The following ZPBP variants were observed in gnomAD, a reference collection of about 807,000 sequenced individuals.
ZPBP encodes the protein zona pellucida-binding protein 1.
Under a neutral mutation model 44.8 loss-of-function variants are expected in ZPBP, and 26 were observed. The ratio of observed to expected loss-of-function variants is 0.58; its 90% CI spans 0.43 to 0.81. The LOEUF (loss-of-function observed/expected upper bound fraction) is 0.81, where lower values mean the gene tolerates loss of function less well. ZPBP is among the 30% of genes least tolerant of loss of function. The pLI, the probability that ZPBP is intolerant of heterozygous loss-of-function variation, is 0.00. For synonymous variants in ZPBP, 174 were observed against 153.2 expected, an observed-to-expected ratio of 1.14 and a Z score of -1.00; for missense variants, 409 against 434.0, an observed-to-expected ratio of 0.94 and a Z score of 0.51.
At chr7:49,857,006 T>C (rs1790448793) in intron 2 of ZPBP, among the ~76,000 whole-genome samples, 1 of 58,540 alleles carries the variant, frequency 1.7e-5, no homozygotes, top group Non-Finnish European at 2.8e-5. Flanking sequence ...CCAGATACTG[T>C]CTCAAAAAAA....
chr7:49,906,674 T>G (rs1817502), intron 1 of ZPBP, among the ~76,000 whole-genome samples: 116,408 of 152,112 alleles, frequency 0.77, 44,724 homozygotes, highest in East Asian at 0.89. Context: ...ATCATAAAAT[T>G]CTTACCAAGA....
At chr7:49,935,250 GA>G (rs1379436239), downstream of ZPBP, among the ~76,000 whole-genome samples, 2 of 152,148 alleles carry the variant, frequency 1.3e-5, no homozygotes, top group African/African-American at 4.8e-5. Context: ...TAGTATAATT[GA>G]ATGTTGAAGA....
chr7:49,855,941 A>T (rs1790400647), intron 2 of ZPBP, among the ~76,000 whole-genome samples: 1 of 152,172 alleles, frequency 6.6e-6, no homozygotes, highest in African/African-American at 2.4e-5. Context: ...ATCCACTGAG[A>T]GACACTAAGC....
downstream of ZPBP, among the ~76,000 whole-genome samples, chr7:49,935,555 C>T (rs757228431): frequency 3.3e-5 from 5 of 152,126 alleles, no homozygotes; most frequent in Non-Finnish European, 7.3e-5. Flanking sequence ...CACACCACCA[C>T]GCCCGGCTAA....
At chr7:49,986,638 CTTT>C (rs57576804) in intron 6 of ZPBP, among the ~76,000 whole-genome samples, 1 of 150,038 alleles carries the variant, frequency 6.7e-6, no homozygotes, top group African/African-American at 2.4e-5. Context: ...AGCTGTTTTT[CTTT>C]TTTTTTTCTC....
At chr7:49,981,178 A>T (rs1283370964) in intron 7 of ZPBP, among the ~76,000 whole-genome samples, 1 of 132,758 alleles carries the variant, frequency 7.5e-6, no homozygotes. Flanking sequence ...ATCAGTGATT[A>T]TTTCTATCAT....
At chr7:49,978,475 C>T (rs757995789) in intron 7 of ZPBP, among the ~76,000 whole-genome samples, 13 of 151,990 alleles carry the variant, frequency 8.6e-5, no homozygotes, top group Non-Finnish European at 1.5e-4. Context: ...TATAAGGAAA[C>T]AAGCTTTCTC....
intron 2 of ZPBP, among the ~76,000 whole-genome samples, chr7:50,085,616 C>G (rs899084548): frequency 6.6e-6 from 1 of 152,048 alleles, no homozygotes; most frequent in African/African-American, 2.4e-5. Context: ...TGGAAGACCT[C>G]GTATTAAAGG....
Position 50,059,758 on chromosome 7 carries a change from C to T in ZPBP, c.335-1617G>A, listed in dbSNP as rs1404903948. ...ATCAAAATATATACCTAAATGCCTA[C>T]TACAACACAAAACATTATGACAGCC... On this transcript the variant is annotated intron_variant, in intron 3 of 7. Coordinates refer to ENST00000046087, the MANE Select transcript of ZPBP (RefSeq NM_007009.3). Among the ~76,000 whole-genome samples the T allele has an allele frequency of 4.6e-5, 7 of 152,168 alleles. 1 individual carries two copies. The South Asian group carries it at 1.5e-3, about 32-fold the overall frequency.
intron 2 of ZPBP, among the ~76,000 whole-genome samples, chr7:49,859,074 C>T (rs1790542563): frequency 6.6e-6 from 1 of 152,162 alleles, no homozygotes; most frequent in African/African-American, 2.4e-5. Flanking sequence ...TACATTGTGG[C>T]CCATATGGGC....
At chr7:49,842,158 G>A in the ZPBP span, among the ~76,000 whole-genome samples, 486 of 152,186 alleles carry the variant, frequency 3.2e-3, 2 homozygotes, top group African/African-American at 0.011. Flanking sequence ...GTGAGCCACC[G>A]CGCCTGGCCA....
At chr7:49,959,105 C>T (rs1359510764) in intron 7 of ZPBP, among the ~76,000 whole-genome samples, 2 of 151,602 alleles carry the variant, frequency 1.3e-5, no homozygotes, top group Non-Finnish European at 2.9e-5. Flanking sequence ...GTTTTCAAAC[C>T]GGCAAAGAAC....
At chr7:49,923,218 G>A (rs1393054673) in intron 1 of ZPBP, among the ~76,000 whole-genome samples, 6 of 152,108 alleles carry the variant, frequency 3.9e-5, no homozygotes, top group Non-Finnish European at 5.9e-5. Context: ...TTCTAAAGTT[G>A]ATGACAGACG....
chr7:50,041,445 A>C (rs1562865255), intron 4 of ZPBP, among the ~76,000 whole-genome samples: 1 of 152,208 alleles, frequency 6.6e-6, no homozygotes, highest in Non-Finnish European at 1.5e-5. Flanking sequence ...TCTGTGATGA[A>C]GCTTCCAGAG....
At chr7:49,841,993 A>G in the ZPBP span, among the ~76,000 whole-genome samples, 1 of 152,010 alleles carries the variant, frequency 6.6e-6, no homozygotes, top group African/African-American at 2.4e-5. Context: ...CAGCCTCCTG[A>G]GTAGCTGGGA....
intron 3 of ZPBP, among the ~76,000 whole-genome samples, chr7:50,066,788 C>T (rs1801525286): frequency 6.6e-6 from 1 of 152,206 alleles, no homozygotes; most frequent in Non-Finnish European, 1.5e-5. Flanking sequence ...CCTCAAGCTT[C>T]AGCCATGCAT....
intron 6 of ZPBP, among the ~76,000 whole-genome samples, chr7:49,991,065 C>T (rs1403148446): frequency 6.6e-6 from 1 of 152,122 alleles, no homozygotes; most frequent in African/African-American, 2.4e-5. Flanking sequence ...CTCTGATTAA[C>T]ACCCATATTT....
intron 1 of ZPBP, among the ~76,000 whole-genome samples, chr7:49,927,577 A>G (rs1794288453): frequency 6.6e-6 from 1 of 152,190 alleles, no homozygotes; most frequent in Non-Finnish European, 1.5e-5. Context: ...CATTGACCAT[A>G]GAACCAAAGA....
chr7:49,957,747 T>A (rs1268900), intron 7 of ZPBP, among the ~76,000 whole-genome samples: 3 of 152,134 alleles, frequency 2.0e-5, no homozygotes, highest in South Asian at 4.1e-4. Flanking sequence ...GGTAATGCCC[T>A]GCAGAATTGT....
Sources: allele counts gnomAD v4.1 joint callset (sites outside exome capture counted in the v4.1 genomes callset), GRCh38; gene constraint gnomAD v4.1.1; transcripts MANE v1.5; gene names NCBI Gene and HGNC (gene_info 2026-07-23, HGNC 2026-07-21).